Variants in EPC1 observed in about 807,000 individuals in gnomAD.
The protein encoded by EPC1 is enhancer of polycomb homolog 1.
EPC1 carries 12 observed loss-of-function variants against 98.4 expected under a neutral mutation model. That is an observed-to-expected ratio of 0.12 (90% CI 0.08 to 0.20). The LOEUF (loss-of-function observed/expected upper bound fraction) is 0.20. EPC1 is among the 10% of genes least tolerant of loss of function. The pLI, the probability that EPC1 is intolerant of heterozygous loss-of-function variation, is 1.00. For synonymous variants in EPC1, 357 were observed against 363.9 expected, an observed-to-expected ratio of 0.98 and a Z score of 0.21; for missense variants, 729 against 990.5, an observed-to-expected ratio of 0.74 and a Z score of 3.54.
chr10:32,319,830 C>T (rs1836785011), intron 1 of EPC1, among the ~76,000 whole-genome samples: 4 of 152,080 alleles, frequency 2.6e-5, no homozygotes, highest in African/African-American at 9.7e-5. Context: ...GCGCATACCA[C>T]CAAACCTGGC....
intron 1 of EPC1, among the ~76,000 whole-genome samples, chr10:32,371,754 A>G (rs530082175): frequency 2.0e-5 from 3 of 152,010 alleles, no homozygotes; most frequent in Non-Finnish European, 4.4e-5. Context: ...CACACACACA[A>G]AAATTAGCTG....
intron 1 of EPC1, chr10:32,374,497 T>C (rs1012493546): frequency 6.6e-6 from 1 of 152,148 alleles, no homozygotes; most frequent in African/African-American, 2.4e-5. Context: ...CATTTTGCAA[T>C]AGGAATTTGT....
At position 32,346,853 on chromosome 10, in the gene EPC1, G is replaced by A. The variant is rs1337849946; in HGVS notation, c.63C>T (p.Arg21=). 9 of 1,614,070 alleles carry A rather than the reference G, an allele frequency of 5.6e-6. No individual in the cohort carries two copies. ...CGTGCAGGTCGGGCAGATCCTCACA[G>A]CGGAAAACCGGCAGCGGCTTCGAGG... The part of the protein sequence containing the change: ...LDASKPLPVF[R]CEDLPDLHEY... The change falls in exon 1 of 14, where the codon CGC becomes CGT. Residue 21 remains arginine (R), a synonymous_variant. Coordinates refer to ENST00000319778, the MANE Select transcript of EPC1 (RefSeq NM_001272004.3).
At chr10:32,311,546 T>G (rs1592583518) in intron 1 of EPC1, among the ~76,000 whole-genome samples, 1 of 151,962 alleles carries the variant, frequency 6.6e-6, no homozygotes, top group East Asian at 1.9e-4. Context: ...ACAAAAACCT[T>G]CCTTCCTCAA....
intron 1 of EPC1, among the ~76,000 whole-genome samples, chr10:32,331,952 T>A (rs1461583904): frequency 6.6e-6 from 1 of 152,212 alleles, no homozygotes; most frequent in Admixed American, 6.5e-5. Context: ...CTTACTTTAT[T>A]AGTCTCATTC....
chr10:32,304,041 C>T (rs954227894), intron 2 of EPC1, among the ~76,000 whole-genome samples: 4 of 152,104 alleles, frequency 2.6e-5, no homozygotes, highest in African/African-American at 9.7e-5. Context: ...CAAATTTGTA[C>T]AATAAAAAAT....
chr10:32,344,051 A>G (rs1468751568), intron 1 of EPC1, among the ~76,000 whole-genome samples: 2 of 152,236 alleles, frequency 1.3e-5, no homozygotes, highest in Admixed American at 6.5e-5. Flanking sequence ...AAGATAACAA[A>G]TAACTAATGT....
chr10:32,327,951 T>C lies in EPC1; in HGVS notation c.153+18812A>G, dbSNP rs575005491. 2.0e-5 allele frequency among the ~76,000 whole-genome samples: 3 copies of C among 152,346 alleles called. No individual in the cohort carries two copies. The South Asian group carries it at 6.2e-4, about 32-fold the overall frequency. ...AAAACCCTAACATTAAAATGGTATGTTGGTTGTTTTGACTGTGTTTGGTAT... is the reference window on the plus strand; with the variant it reads ...AAAACCCTAACATTAAAATGGTATGCTGGTTGTTTTGACTGTGTTTGGTAT... On this transcript the variant is annotated intron_variant, in intron 1 of 13. Coordinates refer to ENST00000319778, the MANE Select transcript of EPC1 (RefSeq NM_001272004.3).
chr10:32,284,628 A>T, intron 10 of EPC1, 70 bp downstream of exon 10: 2 of 1,274,726 alleles, frequency 1.6e-6, no homozygotes, highest in Non-Finnish European at 2.2e-6. Context: ...CAGACCACAT[A>T]GTCGAACAAA....
At position 32,301,611 on chromosome 10, in the gene EPC1, T is replaced by C. The variant is rs566936072; in HGVS notation, c.313+4161A>G. Reference sequence around the variant, plus strand: ...AATCAATTGAATAGAATTGAGAATCTACAAACAGATCCACACAACAATGTC... The same window carrying C: ...AATCAATTGAATAGAATTGAGAATCCACAAACAGATCCACACAACAATGTC... On this transcript the variant is annotated intron_variant, in intron 2 of 13. Coordinates refer to ENST00000319778, the MANE Select transcript of EPC1 (RefSeq NM_001272004.3). Among the ~76,000 whole-genome samples the C allele has an allele frequency of 1.6e-3, 250 of 152,012 alleles. 2 individuals are homozygous for C. Among genetic ancestry groups the C allele is most frequent in the African/African-American group, 5.8e-3 (242 of 41,446 alleles).
At chr10:32,338,937 C>CA (rs139491789) in intron 1 of EPC1, among the ~76,000 whole-genome samples, 12,537 of 88,496 alleles carry the variant, frequency 0.14, 656 homozygotes, top group Middle Eastern at 0.23. Context: ...GACCTTGTCT[C>CA]AAAAAAAATA....
At chr10:32,347,475 G>A (rs895084366), upstream of EPC1, 1 of 154,016 alleles carries the variant, frequency 6.5e-6, no homozygotes, top group Non-Finnish European at 1.4e-5. Flanking sequence ...GGGCGAACAA[G>A]GTGCGGGAAA....
rs748256305 is a variant in EPC1 at position 32,272,035 on chromosome 10, G to C, written c.1996C>G (p.Pro666Ala). 3 of 1,611,928 alleles carry C rather than the reference G, an allele frequency of 1.9e-6. No individual in the cohort carries two copies. Among genetic ancestry groups the C allele is most frequent in the Non-Finnish European group, 2.5e-6 (3 of 1,179,482 alleles). The change falls in exon 12 of 14, where the codon CCA becomes GCA. Residue 666 changes from proline (P) to alanine (A), a missense_variant. Coordinates refer to ENST00000319778, the MANE Select transcript of EPC1 (RefSeq NM_001272004.3). ...VLGIGVNGVL[P>A]ASGVYKGLHL... ...ATGTCTTTATTCTTACCTGAGGCTG[G>C]AAGGACGCCATTCACCCCGATTCCA...
At chr10:32,320,487 C>G (rs572605792) in intron 1 of EPC1, among the ~76,000 whole-genome samples, 1 of 152,202 alleles carries the variant, frequency 6.6e-6, no homozygotes, top group African/African-American at 2.4e-5. Context: ...ATAAGCTATG[C>G]TGAACAACGT....
chr10:32,373,275 T>C (rs1839801141), intron 1 of EPC1, among the ~76,000 whole-genome samples: 1 of 152,154 alleles, frequency 6.6e-6, no homozygotes, highest in Non-Finnish European at 1.5e-5. Flanking sequence ...TTTAAGGAGA[T>C]AGAGGTAGCA....
At chr10:32,314,774 C>T (rs1415299817) in intron 1 of EPC1, among the ~76,000 whole-genome samples, 1 of 152,134 alleles carries the variant, frequency 6.6e-6, no homozygotes. Flanking sequence ...GTAGATAAAG[C>T]CTATCTGGAG....
chr10:32,329,269 C>T (rs567360661), intron 1 of EPC1, among the ~76,000 whole-genome samples: 1 of 152,298 alleles, frequency 6.6e-6, no homozygotes, highest in African/African-American at 2.4e-5. Context: ...ACACAATGTT[C>T]AGGATAAAGG....
chr10:32,310,535 C>T (rs371759308), intron 1 of EPC1, among the ~76,000 whole-genome samples: 5 of 152,138 alleles, frequency 3.3e-5, no homozygotes, highest in South Asian at 4.1e-4. Flanking sequence ...ATCCACTTTT[C>T]GTAACTGTGA....
chr10:32,363,602 C>G (rs1839505871), intron 1 of EPC1, among the ~76,000 whole-genome samples: 1 of 152,102 alleles, frequency 6.6e-6, no homozygotes, highest in Non-Finnish European at 1.5e-5. Flanking sequence ...AAAAGTGTTC[C>G]TTCTTAAATA....
Sources: gnomAD v4.1 joint callset for allele counts (sites outside exome capture counted in the v4.1 genomes callset) on GRCh38, gnomAD v4.1.1 for gene constraint, MANE v1.5 for transcripts, NCBI Gene and HGNC (gene_info 2026-07-23, HGNC 2026-07-21) for gene names.